Variants in COL25A1 observed in about 807,000 individuals in gnomAD.
COL25A1 encodes collagen alpha-1(XXV) chain.
Under a neutral mutation model 128.4 loss-of-function variants are expected in COL25A1, and 103 were observed. The ratio of observed to expected loss-of-function variants is 0.80; its 90% CI spans 0.68 to 0.94. The LOEUF (loss-of-function observed/expected upper bound fraction) is 0.94, where lower values mean the gene tolerates loss of function less well. Ranked by LOEUF, COL25A1 falls within the 40% of genes least tolerant of loss-of-function variation. COL25A1 has a pLI of 0.00. For synonymous variants in COL25A1, 279 were observed against 277.2 expected (o/e 1.01, Z -0.06); for missense variants, 745 against 840.0 (o/e 0.89, Z 1.40).
At chr4:109,158,496 AT>A (rs1358373498) in intron 3 of COL25A1, among the ~76,000 whole-genome samples, 9 of 152,216 alleles carry the variant, frequency 5.9e-5, no homozygotes, top group African/African-American at 2.2e-4. Flanking sequence ...TAAAAGGCAA[AT>A]AAGATGTTTA....
chr4:109,134,449 A>T (rs1769514356), intron 3 of COL25A1, among the ~76,000 whole-genome samples: 1 of 152,184 alleles, frequency 6.6e-6, no homozygotes, highest in African/African-American at 2.4e-5. Context: ...TATTAGAACC[A>T]TGTGGGAGCC....
intron 3 of COL25A1, among the ~76,000 whole-genome samples, chr4:109,256,805 AC>A (rs1284921484): frequency 6.6e-6 from 1 of 152,180 alleles, no homozygotes; most frequent in African/African-American, 2.4e-5. Flanking sequence ...TCTAGATCAT[AC>A]CTAAACCTCC....
At chr4:109,026,025 C>T (rs3096507) in intron 5 of COL25A1, among the ~76,000 whole-genome samples, 3 of 151,054 alleles carry the variant, frequency 2.0e-5, no homozygotes, top group African/African-American at 7.3e-5. Context: ...AAGTAGCAGT[C>T]ATTCTTAGCC....
chr4:109,212,763 T>C (rs1777678872), intron 3 of COL25A1, among the ~76,000 whole-genome samples: 1 of 152,180 alleles, frequency 6.6e-6, no homozygotes, highest in Admixed American at 6.6e-5. Flanking sequence ...ATCTTTTGCT[T>C]TTAAAATTTC....
intron 24 of COL25A1, among the ~76,000 whole-genome samples, chr4:108,859,216 T>G (rs568091399): frequency 6.6e-6 from 1 of 152,278 alleles, no homozygotes; most frequent in Admixed American, 6.5e-5. Context: ...CCATCCTCAT[T>G]CTGTAGATGG....
chr4:109,151,066 A>G (rs1282896745), intron 3 of COL25A1, among the ~76,000 whole-genome samples: 1 of 152,170 alleles, frequency 6.6e-6, no homozygotes, highest in Non-Finnish European at 1.5e-5. Context: ...TCAACTGCGT[A>G]AAAGTAAATT....
chr4:108,974,252 C>T, intron 8 of COL25A1, 115 bp downstream of exon 8: 2 of 1,045,662 alleles, frequency 1.9e-6, no homozygotes, highest in Non-Finnish European at 2.9e-6. Context: ...GTATTTTTGC[C>T]AGCCATTACT....
chr4:108,899,076 T>C, intron 15 of COL25A1, 78 bp downstream of exon 15: 2 of 1,397,142 alleles, frequency 1.4e-6, no homozygotes, highest in Non-Finnish European at 2.0e-6. Flanking sequence ...TTCATGCATA[T>C]AGTTTAGTTT....
intron 3 of COL25A1, among the ~76,000 whole-genome samples, chr4:109,083,998 T>C (rs1407653261): frequency 1.3e-5 from 2 of 152,310 alleles, no homozygotes; most frequent in East Asian, 3.9e-4. Flanking sequence ...TAGCATTTTG[T>C]TTTGTTTTAA....
chr4:109,079,120 G>A (rs1252382306), intron 3 of COL25A1, among the ~76,000 whole-genome samples: 3 of 152,188 alleles, frequency 2.0e-5, no homozygotes, highest in Admixed American at 6.5e-5. Context: ...AAAGAATGGT[G>A]TTAAATAAGA....
intron 5 of COL25A1, among the ~76,000 whole-genome samples, chr4:109,012,851 A>T (rs1296399349): frequency 1.3e-5 from 2 of 152,152 alleles, no homozygotes; most frequent in African/African-American, 4.8e-5. Context: ...AGGGCTGAGG[A>T]GTGCAGGCGC....
At chr4:108,980,056 G>C (rs1474459663) in intron 6 of COL25A1, among the ~76,000 whole-genome samples, 2 of 152,144 alleles carry the variant, frequency 1.3e-5, no homozygotes, top group Non-Finnish European at 2.9e-5. Flanking sequence ...AAGAACATGT[G>C]GGGAGTGGAG....
At chr4:109,090,002 T>C (rs893916576) in intron 3 of COL25A1, among the ~76,000 whole-genome samples, 4 of 152,114 alleles carry the variant, frequency 2.6e-5, no homozygotes, top group East Asian at 1.9e-4. Flanking sequence ...TGCATGAAGT[T>C]TGAGTTTACC....
At chr4:109,220,551 G>A (rs923068905) in intron 3 of COL25A1, among the ~76,000 whole-genome samples, 1 of 151,940 alleles carries the variant, frequency 6.6e-6, no homozygotes, top group Non-Finnish European at 1.5e-5. Flanking sequence ...TATCAACTAT[G>A]GTAATGATAT....
intron 3 of COL25A1, among the ~76,000 whole-genome samples, chr4:109,287,596 A>C (rs886779049): frequency 3.3e-5 from 5 of 152,156 alleles, no homozygotes; most frequent in African/African-American, 1.2e-4. Flanking sequence ...AATGAAGATA[A>C]ATATTTCCCT....
intron 3 of COL25A1, among the ~76,000 whole-genome samples, chr4:109,060,984 T>G (rs3113685): frequency 0.49 from 74,104 of 151,952 alleles, 19,479 homozygotes; most frequent in African/African-American, 0.69. Context: ...AACTACTAGG[T>G]TAATCATTTT....
intron 3 of COL25A1, among the ~76,000 whole-genome samples, chr4:109,158,879 GC>G (rs1772283076): frequency 1.3e-5 from 2 of 152,098 alleles, no homozygotes. Context: ...TCTCATTTAA[GC>G]ATCCAATGTT....
rs181400774 is a variant in COL25A1 at position 109,253,900 on chromosome 4, A to C, written c.367+46683T>G. On this transcript the variant is annotated intron_variant, in intron 3 of 37. Coordinates refer to ENST00000399132, the MANE Select transcript of COL25A1 (RefSeq NM_198721.4). The stretch of plus-strand genomic sequence containing the variant: ...CAGGAGATTGAGACCATCCTGGCTA[A>C]CACGGTGAAACCCTGTCTCTACTAA... 7.3e-3 allele frequency among the ~76,000 whole-genome samples: 1,112 copies of C among 152,248 alleles called. 8 individuals carry two copies. The highest frequency in any genetic ancestry group is 0.012 in the Non-Finnish European group (843 of 68,014).
intron 3 of COL25A1, among the ~76,000 whole-genome samples, chr4:109,088,280 T>C (rs1764586443): frequency 6.6e-6 from 1 of 152,116 alleles, no homozygotes; most frequent in East Asian, 1.9e-4. Flanking sequence ...ATTAGAGTAA[T>C]TATGTCTCCA....
Sources: allele counts gnomAD v4.1 joint callset (sites outside exome capture counted in the v4.1 genomes callset), GRCh38; gene constraint gnomAD v4.1.1; transcripts MANE v1.5; gene names NCBI Gene and HGNC (gene_info 2026-07-23, HGNC 2026-07-21).